Variants in PDLIM2 observed in about 807,000 individuals in gnomAD.
PDLIM2 encodes PDZ and LIM domain protein 2.
A neutral mutation model predicts 54.1 loss-of-function variants in PDLIM2; 51 were observed. The ratio of observed to expected loss-of-function variants is 0.94; its 90% CI spans 0.75 to 1.19. PDLIM2 has a LOEUF of 1.19. PDLIM2 is among the 50% of genes most tolerant of loss of function. The pLI, the probability that PDLIM2 is intolerant of heterozygous loss-of-function variation, is 0.00. For synonymous variants in PDLIM2, 398 were observed against 385.6 expected, an observed-to-expected ratio of 1.03 and a Z score of -0.38; for missense variants, 912 against 874.0, an observed-to-expected ratio of 1.04 and a Z score of -0.55.
At chr8:22,580,247 G>A in intron 1 of PDLIM2, 1 of 356,032 alleles carries the variant, frequency 2.8e-6, no homozygotes, top group Non-Finnish European at 5.4e-6. Context: ...CCTGATGGTG[G>A]AGGAGGGGAG....
exon 1 of PDLIM2, chr8:22,579,017 G>T: frequency 7.2e-6 from 9 of 1,243,130 alleles, no homozygotes; most frequent in South Asian, 3.8e-5. Flanking sequence ...AGGTGGCAGC[G>T]CCTGGGCTCG....
chr8:22,589,560 C>A, intron 7 of PDLIM2, 36 bp from the exon 7 acceptor site: 1 of 1,588,844 alleles, frequency 6.3e-7, no homozygotes, highest in Non-Finnish European at 8.6e-7. Context: ...AGCTCCGGCA[C>A]GGGACCCTCA....
At chr8:22,585,214 G>C in intron 5 of PDLIM2, 52 bp downstream of exon 4, 1 of 1,606,532 alleles carries the variant, frequency 6.2e-7, no homozygotes, top group South Asian at 1.1e-5. Flanking sequence ...CCAGCTCCAG[G>C]CTGGCTCCTC....
At chr8:22,594,250 A>G in exon 10 of PDLIM2, 1 of 1,391,202 alleles carries the variant, frequency 7.2e-7, no homozygotes, top group Non-Finnish European at 9.3e-7. Context: ...CACTGTGTAA[A>G]GTTTTTGACA....
At chr8:22,589,502 C>A in intron 7 of PDLIM2, 94 bp from the exon 7 acceptor site, 1 of 1,318,096 alleles carries the variant, frequency 7.6e-7, no homozygotes. Flanking sequence ...CCAGATTCCT[C>A]CCCCTCCCCC....
At chr8:22,590,062 G>A in intron 8 of PDLIM2, 1 of 366,528 alleles carries the variant, frequency 2.7e-6, no homozygotes, top group Admixed American at 4.4e-5. Flanking sequence ...GAGGAAGAGG[G>A]ATTTGACTTG....
chr8:22,581,573 T>A (rs751737641), intron 3 of PDLIM2, 43 bp downstream of exon 2: 1 of 1,529,918 alleles, frequency 6.5e-7, no homozygotes, highest in Non-Finnish European at 8.7e-7. Flanking sequence ...TTCCCCCTCC[T>A]CCACCACCCC....
At chr8:22,594,352 C>T, downstream of PDLIM2, 1 of 1,473,446 alleles carries the variant, frequency 6.8e-7, no homozygotes. Context: ...TGACCTGCTC[C>T]CACCACTGGG....
chr8:22,591,417 C>T, intron 8 of PDLIM2, 134 bp from the exon 8 acceptor site: 1 of 768,408 alleles, frequency 1.3e-6, no homozygotes, highest in Non-Finnish European at 2.3e-6. Flanking sequence ...TTCCTCCTTA[C>T]CTGGTGCCAC....
chr8:22,584,737 A>G (rs886339684), intron 3 of PDLIM2, 84 bp from the exon 3 acceptor site: 2 of 1,316,174 alleles, frequency 1.5e-6, no homozygotes, highest in African/African-American at 2.9e-5. Flanking sequence ...GTTGAGAACT[A>G]GATCTGGGAA....
At chr8:22,582,504 T>C (rs1214115169) in intron 3 of PDLIM2, among the ~76,000 whole-genome samples, 1 of 151,738 alleles carries the variant, frequency 6.6e-6, no homozygotes, top group Non-Finnish European at 1.5e-5. Flanking sequence ...GGACCAGGGC[T>C]CGGGGGAGGT....
intron 2 of PDLIM2, 49 bp downstream of exon 1, chr8:22,580,746 T>C: frequency 6.3e-7 from 1 of 1,578,110 alleles, no homozygotes; most frequent in South Asian, 1.1e-5. Flanking sequence ...AGAAGCGAGG[T>C]CGGCCCTGTT....
chr8:22,579,339 G>A, exon 1 of PDLIM2: 1 of 1,461,818 alleles, frequency 6.8e-7, no homozygotes, highest in Non-Finnish European at 9.0e-7. Context: ...GCTCCCTGGA[G>A]CCTCGCATCA....
chr8:22,584,857 C>T (rs1447449518), exon 4 of PDLIM2: 4 of 1,614,050 alleles, frequency 2.5e-6, no homozygotes, highest in African/African-American at 2.7e-5. Context: ...CCAATGGGGA[C>T]AGCTCCTTGG....
chr8:22,580,511 CCTT>C (rs1800156196), intron 1 of PDLIM2: 6 of 1,600,860 alleles, frequency 3.7e-6, no homozygotes, highest in Admixed American at 1.7e-5. Flanking sequence ...GGTGCCCTCT[CCTT>C]CTCCCTTTGG....
intron 9 of PDLIM2, 154 bp from the exon 9 acceptor site, chr8:22,593,577 CAA>C (rs59345957): frequency 0.039 from 15,060 of 383,722 alleles, 116 homozygotes; most frequent in African/African-American, 0.15. Flanking sequence ...AACTCCATCT[CAA>C]AAAAAAAAAA....
downstream of PDLIM2, chr8:22,597,444 G>A (rs937381222): frequency 4.6e-5 from 7 of 152,446 alleles, no homozygotes; most frequent in Non-Finnish European, 1.0e-4. Context: ...GCGGTGGTGG[G>A]GAGGAGGGGT....
intron 9 of PDLIM2, chr8:22,591,886 C>G (rs1800560639): frequency 4.2e-6 from 2 of 480,716 alleles, no homozygotes; most frequent in Non-Finnish European, 7.3e-6. Context: ...TCTCCTCTCC[C>G]TCTCCTCCTT....
intron 3 of PDLIM2, among the ~76,000 whole-genome samples, chr8:22,583,199 GT>G (rs1800261281): frequency 6.6e-6 from 1 of 152,116 alleles, no homozygotes; most frequent in Admixed American, 6.5e-5. Flanking sequence ...TTGGAAGAGG[GT>G]ACCCAGGGAG....
Sources: gnomAD v4.1 joint callset for allele counts (sites outside exome capture counted in the v4.1 genomes callset) on GRCh38, gnomAD v4.1.1 for gene constraint, MANE v1.5 for transcripts, NCBI Gene and HGNC (gene_info 2026-07-23, HGNC 2026-07-21) for gene names.